Variants in PARN observed in about 807,000 individuals in gnomAD.
The protein encoded by PARN is poly(A)-specific ribonuclease PARN.
Under a neutral mutation model 102.8 loss-of-function variants are expected in PARN, and 71 were observed. That is an observed-to-expected ratio of 0.69 (90% CI 0.57 to 0.84). PARN has a LOEUF of 0.84. PARN is among the 40% of genes least tolerant of loss of function. PARN has a pLI of 0.00. For synonymous variants in PARN, 261 were observed against 252.9 expected, an observed-to-expected ratio of 1.03 and a Z score of -0.30; for missense variants, 782 against 760.9, an observed-to-expected ratio of 1.03 and a Z score of -0.33.
At chr16:14,454,220 C>T (rs964366820) in intron 22 of PARN, among the ~76,000 whole-genome samples, 1 of 152,092 alleles carries the variant, frequency 6.6e-6, no homozygotes, top group Non-Finnish European at 1.5e-5. Context: ...ATGGCTCATG[C>T]CTGTAATCCT....
At chr16:14,500,248 G>A (rs2151623468) in intron 21 of PARN, among the ~76,000 whole-genome samples, 1 of 152,134 alleles carries the variant, frequency 6.6e-6, no homozygotes, top group East Asian at 1.9e-4. Flanking sequence ...TGTAGAGGTG[G>A]GATCTTGCTA....
chr16:14,628,964 G>A (rs1567472928), intron 2 of PARN, among the ~76,000 whole-genome samples: 1 of 152,188 alleles, frequency 6.6e-6, no homozygotes, highest in Non-Finnish European at 1.5e-5. Flanking sequence ...GTTGAGGCAG[G>A]CAATGAACAC....
intron 6 of PARN, among the ~76,000 whole-genome samples, chr16:14,612,466 C>T (rs1971575235): frequency 6.6e-6 from 1 of 151,892 alleles, no homozygotes; most frequent in Non-Finnish European, 1.5e-5. Context: ...AAAAAAAACA[C>T]CTTGCTATTT....
intron 12 of PARN, among the ~76,000 whole-genome samples, chr16:14,598,620 G>A (rs1970672308): frequency 6.6e-6 from 1 of 152,160 alleles, no homozygotes; most frequent in African/African-American, 2.4e-5. Context: ...GAGGCTCACA[G>A]CATTGTTTCT....
At chr16:14,442,882 G>A (rs1253174395) in intron 23 of PARN, among the ~76,000 whole-genome samples, 6 of 152,222 alleles carry the variant, frequency 3.9e-5, no homozygotes, top group South Asian at 4.1e-4. Flanking sequence ...TGCCCAGCCC[G>A]CTTGGATTTC....
intron 21 of PARN, among the ~76,000 whole-genome samples, chr16:14,540,099 AC>A (rs1966784492): frequency 6.6e-6 from 1 of 152,200 alleles, no homozygotes; most frequent in South Asian, 2.1e-4. Context: ...CCCCATGGAT[AC>A]CAAGGGACAA....
intron 6 of PARN, among the ~76,000 whole-genome samples, chr16:14,614,846 C>CAAAAAAAAAAAAAAAAAAAAAAAAAAAA (rs57502376): frequency 2.7e-5 from 1 of 37,656 alleles, no homozygotes; most frequent in Non-Finnish European, 4.3e-5. Context: ...GAAACTGTCT[C>CAAAAAAAAAAAAAAAAAAAAAAAAAAAA]AAAAAAAAAA....
chr16:14,469,229 G>A (rs1319129036), intron 22 of PARN, among the ~76,000 whole-genome samples: 21 of 152,072 alleles, frequency 1.4e-4, no homozygotes, highest in Admixed American at 7.2e-4. Context: ...CCCGGGAGGC[G>A]GAGGTTGCCA....
chr16:14,568,430 G>A (rs1333093752), intron 18 of PARN, among the ~76,000 whole-genome samples: 1 of 147,306 alleles, frequency 6.8e-6, no homozygotes, highest in African/African-American at 2.5e-5. Context: ...GGCCAGGCTG[G>A]TATGAAAAAC....
intron 18 of PARN, among the ~76,000 whole-genome samples, chr16:14,569,621 T>C (rs1010129629): frequency 6.6e-6 from 1 of 152,210 alleles, no homozygotes; most frequent in Non-Finnish European, 1.5e-5. Flanking sequence ...AAGGCAGTAA[T>C]ACAATTACAA....
At chr16:14,498,262 C>T (rs553160376) in intron 21 of PARN, among the ~76,000 whole-genome samples, 144 of 152,232 alleles carry the variant, frequency 9.5e-4, no homozygotes, top group Non-Finnish European at 1.6e-3. Context: ...TGAGCTAGCT[C>T]ACCTGCGAGG....
intron 23 of PARN, among the ~76,000 whole-genome samples, chr16:14,440,564 G>A (rs1360235521): frequency 6.6e-6 from 1 of 152,160 alleles, no homozygotes; most frequent in Non-Finnish European, 1.5e-5. Flanking sequence ...AATATTTATA[G>A]CAGCTTGATT....
At chr16:14,564,500 G>C (rs1968306236) in intron 18 of PARN, among the ~76,000 whole-genome samples, 1 of 152,044 alleles carries the variant, frequency 6.6e-6, no homozygotes, top group South Asian at 2.1e-4. Context: ...CCTGGGCATG[G>C]GGCTTGCCAG....
chr16:14,604,268 CT>C (rs201317085), intron 10 of PARN, 42 bp from the exon 11 acceptor site: 552 of 1,286,160 alleles, frequency 4.3e-4, no homozygotes, highest in Admixed American at 5.5e-4. Flanking sequence ...TTTTCTTTTT[CT>C]TTTTTTTTGA....
At chr16:14,574,049 G>A (rs1968968635) in intron 18 of PARN, among the ~76,000 whole-genome samples, 1 of 152,188 alleles carries the variant, frequency 6.6e-6, no homozygotes, top group Non-Finnish European at 1.5e-5. Context: ...GGGCTCAGAA[G>A]AAGACAGAAA....
In PARN at chr16:14,599,972, A is replaced by T; in HGVS notation, c.784-12T>A. On this transcript the variant is annotated splice_polypyrimidine_tract_variant and intron_variant, in intron 11 of 23. Coordinates refer to ENST00000437198, the MANE Select transcript of PARN (RefSeq NM_002582.4). ...TCATTCAGCTCCTCCTAATTAAAAA[A>T]ATATATACATATGTATTATTGATGT... 1 of 1,480,898 alleles carries T rather than the reference A, an allele frequency of 6.8e-7. No homozygotes were observed. 91.7% of individuals were successfully genotyped at this position (1,480,898 alleles called of 1,614,324 possible). A position where few individuals can be genotyped will look rare whatever the true frequency, so the allele number is the denominator to read the frequency against.
At chr16:14,479,920 C>CAA (rs58833234) in intron 22 of PARN, among the ~76,000 whole-genome samples, 2 of 102,876 alleles carry the variant, frequency 1.9e-5, no homozygotes, top group Non-Finnish European at 2.2e-5. Flanking sequence ...AACCTTCTAC[C>CAA]AAAAAAAAAA....
In PARN at chr16:14,537,874, G is replaced by T. The variant is rs1442430940; in HGVS notation, c.1480+14147C>A. Among the ~76,000 whole-genome samples, 3 of 152,242 alleles carry T rather than the reference G, an allele frequency of 2.0e-5. No homozygotes were observed. In the East Asian group the frequency reaches 5.8e-4, roughly 29 times the overall value. On this transcript the variant is annotated intron_variant, in intron 21 of 23. Transcript: ENST00000437198. ...TTCTGATGTTCTGGCAGCACTGGAA[G>T]GTGAATGTGGTAAATGTGGTTAAAT...
chr16:14,585,215 G>A (rs1278045415), intron 14 of PARN, among the ~76,000 whole-genome samples: 1 of 152,096 alleles, frequency 6.6e-6, no homozygotes, highest in African/African-American at 2.4e-5. Context: ...TACTCCTCAG[G>A]TTTGTAAACT....
Sources: gnomAD v4.1 joint callset for allele counts (sites outside exome capture counted in the v4.1 genomes callset) on GRCh38, gnomAD v4.1.1 for gene constraint, MANE v1.5 for transcripts, NCBI Gene and HGNC (gene_info 2026-07-23, HGNC 2026-07-21) for gene names.